The following ACTR3C variants were observed in gnomAD, a reference collection of about 807,000 sequenced individuals.
ACTR3C encodes the protein actin related protein 3C.
In ACTR3C, 18 loss-of-function variants were observed where a neutral mutation model predicts 26.3. That is an observed-to-expected ratio of 0.68 (90% confidence interval 0.47 to 1.01). The LOEUF (loss-of-function observed/expected upper bound fraction) is 1.01, where lower values mean the gene tolerates loss of function less well. Among genes scored for constraint, ACTR3C ranks in the 50% least tolerant of loss-of-function variants. ACTR3C has a pLI of 0.00. For missense variants in ACTR3C, 184 were observed against 250.7 expected (o/e 0.73, Z 1.80); for synonymous variants, 55 against 94.5 (o/e 0.58, Z 2.42).
the ACTR3C span, among the ~76,000 whole-genome samples, chr7:149,979,420 A>T: frequency 6.6e-6 from 1 of 152,186 alleles, no homozygotes; most frequent in Non-Finnish European, 1.5e-5. Flanking sequence ...CCTTCCCCCT[A>T]AAAGACAGAC....
intron 1 of ACTR3C, among the ~76,000 whole-genome samples, chr7:150,303,587 G>A (rs1426014020): frequency 6.6e-6 from 1 of 152,094 alleles, no homozygotes; most frequent in Non-Finnish European, 1.5e-5. Flanking sequence ...AATCAAAATC[G>A]ATGTTATTCA....
the ACTR3C span, among the ~76,000 whole-genome samples, chr7:149,914,622 G>C: frequency 4.0e-5 from 6 of 149,284 alleles, no homozygotes; most frequent in Admixed American, 2.0e-4. Context: ...AAAAAATCTA[G>C]GCTCAATCCA....
the ACTR3C span, among the ~76,000 whole-genome samples, chr7:149,919,256 T>G: frequency 6.6e-6 from 1 of 152,172 alleles, no homozygotes; most frequent in Non-Finnish European, 1.5e-5. Flanking sequence ...TTGCTTTTTT[T>G]TTTTGAGACA....
At chr7:150,234,682 C>A in the ACTR3C span, among the ~76,000 whole-genome samples, 1 of 152,216 alleles carries the variant, frequency 6.6e-6, no homozygotes, top group African/African-American at 2.4e-5. Flanking sequence ...ATTCATCTAT[C>A]TTTGCAGATT....
the ACTR3C span, among the ~76,000 whole-genome samples, chr7:150,123,534 C>T: frequency 5.2e-4 from 79 of 151,612 alleles, no homozygotes; most frequent in Middle Eastern, 6.8e-3. Flanking sequence ...TGCACACAAA[C>T]GTAGTCATGG....
At chr7:150,185,009 C>T in the ACTR3C span, among the ~76,000 whole-genome samples, 1 of 151,354 alleles carries the variant, frequency 6.6e-6, no homozygotes, top group Non-Finnish European at 1.5e-5. Context: ...GTCCTGTCAT[C>T]TAAGATCTTT....
At chr7:150,321,200 G>C (rs1400640627) in intron 1 of ACTR3C, among the ~76,000 whole-genome samples, 1 of 152,142 alleles carries the variant, frequency 6.6e-6, no homozygotes, top group African/African-American at 2.4e-5. Context: ...CCACCCTGTT[G>C]CTTAACTATA....
At chr7:149,883,668 C>T in the ACTR3C span, among the ~76,000 whole-genome samples, 6 of 152,170 alleles carry the variant, frequency 3.9e-5, no homozygotes, top group Non-Finnish European at 2.9e-5. Context: ...TGGATGGTGC[C>T]GAGGTCAGAG....
At chr7:150,010,674 A>G in the ACTR3C span, among the ~76,000 whole-genome samples, 2 of 141,128 alleles carry the variant, frequency 1.4e-5, no homozygotes, top group African/African-American at 5.3e-5. Context: ...AGCCTGGGTG[A>G]CAGAGCGAGA....
At chr7:150,154,338 CT>C in the ACTR3C span, among the ~76,000 whole-genome samples, 3 of 151,922 alleles carry the variant, frequency 2.0e-5, no homozygotes, top group Non-Finnish European at 2.9e-5. Flanking sequence ...AAAGACGTCT[CT>C]TTTTTTTAAA....
At chr7:150,193,380 T>C in the ACTR3C span, among the ~76,000 whole-genome samples, 2 of 151,480 alleles carry the variant, frequency 1.3e-5, no homozygotes, top group Non-Finnish European at 2.9e-5. Context: ...TTCGGTTTAA[T>C]TGATTTTCTC....
chr7:150,060,185 C>T, the ACTR3C span, among the ~76,000 whole-genome samples: 1 of 152,042 alleles, frequency 6.6e-6, no homozygotes, highest in Non-Finnish European at 1.5e-5. Flanking sequence ...CAGGGGTCAG[C>T]CACTAACAGA....
At chr7:150,075,212 A>G in the ACTR3C span, among the ~76,000 whole-genome samples, 2 of 111,668 alleles carry the variant, frequency 1.8e-5, no homozygotes, top group East Asian at 2.4e-4. Context: ...AAACAAAAAC[A>G]TAGCACTACA....
chr7:149,985,207 AAC>A, the ACTR3C span, among the ~76,000 whole-genome samples: 8,710 of 130,410 alleles, frequency 0.067, 345 homozygotes, highest in East Asian at 0.15. Flanking sequence ...CAAACAAAGC[AAC>A]ACACACACAC....
At chr7:150,035,271 T>A in the ACTR3C span, among the ~76,000 whole-genome samples, 1 of 61,992 alleles carries the variant, frequency 1.6e-5, no homozygotes, top group East Asian at 5.3e-4. Flanking sequence ...TGGCTCTCAG[T>A]CCCTGCCTCG....
At chr7:150,052,108 G>T in the ACTR3C span, among the ~76,000 whole-genome samples, 2 of 150,108 alleles carry the variant, frequency 1.3e-5, no homozygotes, top group African/African-American at 5.0e-5. Context: ...GGGCATCACT[G>T]TCTTTTACAT....
the ACTR3C span, among the ~76,000 whole-genome samples, chr7:150,166,960 G>A: frequency 2.3e-4 from 34 of 150,262 alleles, 1 homozygote; most frequent in Non-Finnish European, 2.5e-4. Context: ...AGTTCCATGC[G>A]TGTTGCTGCA....
the ACTR3C span, among the ~76,000 whole-genome samples, chr7:149,918,270 A>G: frequency 6.6e-6 from 1 of 152,292 alleles, no homozygotes; most frequent in East Asian, 1.9e-4. Context: ...ACTTCCAGTT[A>G]AAGTGTTTTA....
At chr7:150,041,381 G>T in the ACTR3C span, 1 of 146,994 alleles carries the variant, frequency 6.8e-6, no homozygotes, top group South Asian at 2.2e-4. Context: ...GGACCCGTCT[G>T]ATCGTAAATC....
Sources: gnomAD v4.1 joint callset for allele counts (sites outside exome capture counted in the v4.1 genomes callset) on GRCh38, gnomAD v4.1.1 for gene constraint, MANE v1.5 for transcripts, NCBI Gene and HGNC (gene_info 2026-07-23, HGNC 2026-07-21) for gene names.